The following ALDH16A1 variants were observed in gnomAD, a reference collection of about 807,000 sequenced individuals.
ALDH16A1 encodes the protein aldehyde dehydrogenase family 16 member A1.
ALDH16A1 carries 88 observed loss-of-function variants against 96.1 expected under a neutral mutation model. That is an observed-to-expected ratio of 0.92 (90% confidence interval 0.77 to 1.09). The LOEUF (loss-of-function observed/expected upper bound fraction) is 1.09, where lower values mean the gene tolerates loss of function less well. Among genes scored for constraint, ALDH16A1 ranks in the 50% least tolerant of loss-of-function variants. The pLI is 0.00. For synonymous variants in ALDH16A1, 522 were observed against 496.4 expected (o/e 1.05, Z -0.69); for missense variants, 1,250 against 1,112.6 (o/e 1.12, Z -1.76).
intron 16 of ALDH16A1, 165 bp downstream of exon 16, chr19:49,469,151 A>T: frequency 1.9e-6 from 2 of 1,051,052 alleles, no homozygotes; most frequent in Non-Finnish European, 1.3e-6. Flanking sequence ...GTTACTAAGG[A>T]AGAGGCTGTC....
rs1016757513 is a variant in ALDH16A1, at chr19:49,466,108, G to A, written c.1763G>A (p.Arg588Gln). ...TGGGCGGGCCAGTCCCCAGGAGCCC[G>A]GGCAGCCCTGCTGTGGGCCCTGGCG... ...PGWAGQSPGA[R>Q]AALLWALAAA... The change falls in exon 14 of 17, where the codon CGG (arginine) becomes CAG (glutamine). Residue 588 changes from arginine to glutamine, a missense_variant. Coordinates refer to ENST00000293350, the MANE Select transcript of ALDH16A1 (RefSeq NM_153329.4). The A allele has an allele frequency of 1.3e-5, 20 of 1,548,526 alleles. No homozygotes were observed. The highest frequency in any genetic ancestry group is 2.0e-5 in the Admixed American group (1 of 51,176).
Position 49,470,525 on chromosome 19 carries a change from A to G in ALDH16A1, c.*58A>G. Reference sequence around the variant, plus strand: ...CTCACACCAAGGGGAGATGCACCCCACAGACACCTGGGACTTTCCCCTTCT... The same window carrying G: ...CTCACACCAAGGGGAGATGCACCCCGCAGACACCTGGGACTTTCCCCTTCT... On this transcript the variant is annotated 3_prime_UTR_variant, in exon 17 of 17. Coordinates refer to ENST00000293350, the MANE Select transcript of ALDH16A1 (RefSeq NM_153329.4). 1 of 1,441,714 alleles carries G rather than the reference A, an allele frequency of 6.9e-7. No individual in the cohort carries two copies. The highest frequency in any genetic ancestry group is 9.1e-7 in the Non-Finnish European group (1 of 1,095,602). The allele number at this position is 1,441,714 out of a possible 1,614,324, so 89.3% of individuals were successfully genotyped here.
At chr19:49,456,389 TTTTG>T (rs750112422) in intron 1 of ALDH16A1, among the ~76,000 whole-genome samples, 64 of 152,278 alleles carry the variant, frequency 4.2e-4, no homozygotes, top group Non-Finnish European at 8.2e-4. Flanking sequence ...TCTTTTTGTT[TTTTG>T]TTTGTTTGTT....
At chr19:49,461,840 G>A in intron 6 of ALDH16A1, 40 bp downstream of exon 6, 4 of 1,600,398 alleles carry the variant, frequency 2.5e-6, no homozygotes, top group Middle Eastern at 1.7e-4. Context: ...CGCGGCTGGG[G>A]GCCGCAAGGC....
chr19:49,470,212 A>G (rs894939502), intron 16 of ALDH16A1, 94 bp from the exon 17 acceptor site: 12 of 1,475,670 alleles, frequency 8.1e-6, no homozygotes, highest in African/African-American at 4.2e-5. Flanking sequence ...TCCAGCCTGA[A>G]GCCCCTCGTC....
At position 49,461,703 on chromosome 19, in the gene ALDH16A1, C is replaced by T. The variant is rs373916141; in HGVS notation, c.662C>T (p.Pro221Leu). The T allele has an allele frequency of 3.2e-5, 51 of 1,609,258 alleles. 1 individual carries two copies. The highest frequency in any genetic ancestry group is 1.7e-4 in the African/African-American group (13 of 74,780). The change falls in exon 6 of 17, where the codon CCG becomes CTG. Residue 221 changes from proline (P) to leucine (L), a missense_variant. Pro to Leu is a moderately conservative substitution (Grantham distance 98, BLOSUM62 -3). Coordinates refer to ENST00000293350, the MANE Select transcript of ALDH16A1 (RefSeq NM_153329.4). ...AQLAGELGPF[P>L]GILNVLSGPA... is the part of the protein sequence containing the mutation. ...CTGGCGGGGGAGCTGGGCCCCTTCC[C>T]GGGAATCCTGAATGTCCTCAGTGGC...
rs1389921808 is a variant in ALDH16A1 at position 49,461,397 on chromosome 19, G to A, written c.578-222G>A. 3.5e-3 allele frequency among the ~76,000 whole-genome samples: 421 copies of A among 120,262 alleles called. 1 individual carries two copies. Among genetic ancestry groups the A allele is most frequent in the African/African-American group, 0.013 (350 of 26,784 alleles). 78.9% of individuals were successfully genotyped at this position (120,262 alleles called of 152,430 possible). On this transcript the variant is annotated intron_variant, in intron 5 of 16. Coordinates refer to ENST00000293350, the MANE Select transcript of ALDH16A1 (RefSeq NM_153329.4). ...CCTGGGTCTGAGGGAGGAGGGGCTG[G>A]AGTCTGGACTCCTGGGTCTGAGGGA...
Position 49,468,655 on chromosome 19 carries a change from A to ACCCCACCCTCCGTGG in ALDH16A1, c.2124+90_2124+104dup. 1 of 1,504,178 alleles carries ACCCCACCCTCCGTGG rather than the reference A, an allele frequency of 6.6e-7. No individual in the cohort carries two copies. Among genetic ancestry groups the ACCCCACCCTCCGTGG allele is most frequent in the Non-Finnish European group, 9.0e-7 (1 of 1,114,492 alleles). The allele number at this position is 1,504,178 out of a possible 1,614,324, so 93.2% of individuals were successfully genotyped here. A position where few individuals can be genotyped will look rare whatever the true frequency, so the allele number is the denominator to read the frequency against. The stretch of plus-strand genomic sequence containing the variant: ...CAAAGTCGGCAGGAGCTTGTCTCTT[A>ACCCCACCCTCCGTGG]CCCCACCCTCCGTGGTACCCATGCT... On this transcript the variant is annotated intron_variant, in intron 15 of 16. Coordinates refer to ENST00000293350, the MANE Select transcript of ALDH16A1 (RefSeq NM_153329.4). The surrounding 1 kb of genome is among the most constrained non-coding windows in gnomAD (Gnocchi z 4.4).
chr19:49,461,029 G>A lies in ALDH16A1; in HGVS notation c.577+130G>A, dbSNP rs953588346. ...TCTGTGGAAGGAGTCTGTGGGAGGAGGGGCTGCGGGTCTGAACTCCTAGGT... is the reference window on the plus strand; with the variant it reads ...TCTGTGGAAGGAGTCTGTGGGAGGAAGGGCTGCGGGTCTGAACTCCTAGGT... On this transcript the variant is annotated intron_variant, in intron 5 of 16. Coordinates refer to ENST00000293350, the MANE Select transcript of ALDH16A1 (RefSeq NM_153329.4). The A allele has an allele frequency of 1.0e-5, 10 of 992,730 alleles. No homozygotes were observed. In the African/African-American group the frequency reaches 1.3e-4, roughly 13 times the overall value. The allele number at this position is 992,730 out of a possible 1,614,324, so 61.5% of individuals were successfully genotyped here.
intron 1 of ALDH16A1, among the ~76,000 whole-genome samples, chr19:49,457,291 TAATCTCA>T (rs75591008): frequency 3.6e-4 from 54 of 151,980 alleles, no homozygotes; most frequent in Admixed American, 9.8e-4. Flanking sequence ...CTCACGCCTG[TAATCTCA>T]GCACTTTGGG....
At chr19:49,455,039 ATC>A (rs1367699419) in intron 1 of ALDH16A1, among the ~76,000 whole-genome samples, 1 of 146,822 alleles carries the variant, frequency 6.8e-6, no homozygotes, top group African/African-American at 2.7e-5. Context: ...AATTGCTTGA[ATC>A]CAGGAGGCAG....
chr19:49,464,608 C>T (rs1327893443), intron 11 of ALDH16A1, 24 bp from the exon 12 acceptor site: 15 of 1,613,980 alleles, frequency 9.3e-6, no homozygotes, highest in South Asian at 2.2e-5. Context: ...CCCTTGCATC[C>T]TCTTGACACC....
chr19:49,458,996 A>G lies in ALDH16A1; in HGVS notation c.230A>G (p.Glu77Gly), dbSNP rs772326354. Residue 77 changes from glutamate to glycine, a missense_variant, in exon 3 of 17, where the codon GAG (glutamate) becomes GGG (glycine). Glu to Gly is a moderately conservative substitution (Grantham distance 98, BLOSUM62 -2). Transcript: ENST00000293350. ...NLASCLQAQA[E>G]DVAAAVEAAR... ...GCCAGTTGCCTGCAGGCACAGGCCG[A>G]GGATGTGGCTGCAGCCGTGGAGGCA... 1.2e-6 allele frequency: 2 copies of G among 1,613,564 alleles called. No individual in the cohort carries two copies. The highest frequency in any genetic ancestry group is 4.5e-5 in the East Asian group (2 of 44,878).
At position 49,464,209 on chromosome 19, in the gene ALDH16A1, G is replaced by A. The variant is rs762446931; in HGVS notation, c.1277G>A (p.Gly426Asp). 3 of 1,605,866 alleles carry A rather than the reference G, an allele frequency of 1.9e-6. No homozygotes were observed. Among genetic ancestry groups the A allele is most frequent in the East Asian group, 2.2e-5 (1 of 44,868 alleles). Residue 426 changes from glycine (G) to aspartate (D), a missense_variant, in exon 10 of 17, where the codon GGC becomes GAC. By Grantham distance (94) the Gly-to-Asp change is moderately conservative (BLOSUM62 -1). Coordinates refer to ENST00000293350, the MANE Select transcript of ALDH16A1 (RefSeq NM_153329.4). ...GTGGCCAACGGGACGCCCCGCGGGG[G>A]CAGCGCCAGTGTGTGGAGCGAGAGG... is the stretch of plus-strand genomic sequence containing the variant. ...LLVANGTPRG[G>D]SASVWSERLG...
rs755693157 is a variant in ALDH16A1, at chr19:49,463,935, T to C, written c.1180T>C (p.Cys394Arg). 7.5e-6 allele frequency: 12 copies of C among 1,610,106 alleles called. No homozygotes were observed. Among genetic ancestry groups the C allele is most frequent in the Non-Finnish European group, 1.0e-5 (12 of 1,177,930 alleles). The change falls in exon 9 of 17, where the codon TGT (cysteine) becomes CGT (arginine). Residue 394 changes from cysteine (C) to arginine (R), a missense_variant. Physicochemically the swap from Cys to Arg is radical, Grantham distance 180. Coordinates refer to ENST00000293350, the MANE Select transcript of ALDH16A1 (RefSeq NM_153329.4). Reference protein sequence around the residue: ...LVSNLPPASPCAQVEVPWPVV... With the variant: ...LVSNLPPASPRAQVEVPWPVV... Reference sequence around the variant, plus strand: ...CTCCAACCTGCCCCCAGCCTCCCCATGTGCCCAGGTGGAGGTGAGACCCTT... The same window carrying C: ...CTCCAACCTGCCCCCAGCCTCCCCACGTGCCCAGGTGGAGGTGAGACCCTT...
intron 1 of ALDH16A1, among the ~76,000 whole-genome samples, chr19:49,455,113 G>C (rs1368817478): frequency 6.8e-6 from 1 of 146,670 alleles, no homozygotes; most frequent in East Asian, 2.1e-4. Flanking sequence ...GCAAGACGCT[G>C]TCTCCAAAAA....
chr19:49,461,948 C>G lies in ALDH16A1; in HGVS notation c.824C>G (p.Thr275Arg), dbSNP rs757470231. 1.3e-5 allele frequency: 20 copies of G among 1,570,274 alleles called. No homozygotes were observed. Among genetic ancestry groups the G allele is most frequent in the Non-Finnish European group, 1.7e-5 (20 of 1,160,074 alleles). ...GCGGAGCTGGGCCTGGCGCTGGGGACGGAGTCGCTGCTGCTGCTGACGGAC... is the reference window on the plus strand; with the variant it reads ...GCGGAGCTGGGCCTGGCGCTGGGGAGGGAGTCGCTGCTGCTGCTGACGGAC... ...ECAELGLALG[T>R]ESLLLLTDTA... is the part of the protein sequence containing the mutation. The change falls in exon 7 of 17, where the codon ACG becomes AGG. Residue 275 changes from threonine to arginine, a missense_variant. Coordinates refer to ENST00000293350, the MANE Select transcript of ALDH16A1 (RefSeq NM_153329.4).
chr19:49,464,800 G>C, intron 12 of ALDH16A1, 38 bp downstream of exon 12: 1 of 1,611,288 alleles, frequency 6.2e-7, no homozygotes, highest in Non-Finnish European at 8.5e-7. Context: ...GAGTGTGAAC[G>C]GGGAGAGGGG....
chr19:49,457,882 TGCCACTGTTGTGGCACCAGCCCAA>T (rs1373673149), intron 1 of ALDH16A1, among the ~76,000 whole-genome samples: 5 of 151,964 alleles, frequency 3.3e-5, no homozygotes, highest in African/African-American at 1.2e-4. Flanking sequence ...TCCAAATAGG[TGCCACTGTTGTGGCACCAGCCCAA>T]GGACTCAGTT....
Sources: allele counts gnomAD v4.1 joint callset (sites outside exome capture counted in the v4.1 genomes callset), GRCh38; gene constraint gnomAD v4.1.1; non-coding constraint Gnocchi (gnomAD v3.1); transcripts MANE v1.5; gene names NCBI Gene and HGNC (gene_info 2026-07-23, HGNC 2026-07-21).